Variants in SPTSSA observed in about 807,000 individuals in gnomAD.
The protein encoded by SPTSSA is serine palmitoyltransferase small subunit A.
A neutral mutation model predicts 9.1 loss-of-function variants in SPTSSA; 8 were observed. That is an observed-to-expected ratio of 0.88 (90% CI 0.51 to 1.58). The LOEUF (loss-of-function observed/expected upper bound fraction) is 1.58. Ranked by LOEUF, SPTSSA falls within the 40% of genes most tolerant of loss-of-function variation. The pLI is 0.00. For missense variants in SPTSSA, 100 were observed against 93.8 expected, an observed-to-expected ratio of 1.07 and a Z score of -0.27; for synonymous variants, 42 against 37.7, an observed-to-expected ratio of 1.11 and a Z score of -0.41.
At chr14:34,451,529 C>T (rs553789901) in intron 1 of SPTSSA, among the ~76,000 whole-genome samples, 4 of 152,000 alleles carry the variant, frequency 2.6e-5, no homozygotes, top group Non-Finnish European at 4.4e-5. Flanking sequence ...CGAGACCGTC[C>T]TGGCTAACAC....
At chr14:34,440,948 A>C (rs147081222) in intron 1 of SPTSSA, among the ~76,000 whole-genome samples, 302 of 152,310 alleles carry the variant, frequency 2.0e-3, no homozygotes, top group Middle Eastern at 0.01. Flanking sequence ...TAAATTGTTA[A>C]GCTTTTAAAT....
chr14:34,460,370 A>G (rs1206960713), intron 1 of SPTSSA, among the ~76,000 whole-genome samples: 2 of 152,180 alleles, frequency 1.3e-5, no homozygotes, highest in African/African-American at 4.8e-5. Context: ...AATTGAAACT[A>G]CTTGTCGCTA....
At chr14:34,444,502 C>A (rs564510024) in intron 1 of SPTSSA, among the ~76,000 whole-genome samples, 2 of 152,094 alleles carry the variant, frequency 1.3e-5, no homozygotes, top group Admixed American at 1.3e-4. Flanking sequence ...ACCTGTAATC[C>A]CAGCACTTTG....
At chr14:34,435,449 A>C in intron 1 of SPTSSA, 145 bp from the exon 2 acceptor site, 1 of 544,946 alleles carries the variant, frequency 1.8e-6, no homozygotes, top group Non-Finnish European at 3.2e-6. Flanking sequence ...AAACAACAAG[A>C]ATGATAATAC....
chr14:34,443,361 T>TGTGTGTGTGA (rs1410519273), intron 1 of SPTSSA, among the ~76,000 whole-genome samples: 1 of 15,600 alleles, frequency 6.4e-5, no homozygotes, highest in African/African-American at 3.4e-4. Flanking sequence ...TGTGAGTGTG[T>TGTGTGTGTGA]GTGTGTGTGT....
At chr14:34,445,379 T>C (rs907421208) in intron 1 of SPTSSA, among the ~76,000 whole-genome samples, 1 of 152,076 alleles carries the variant, frequency 6.6e-6, no homozygotes, top group Non-Finnish European at 1.5e-5. Context: ...CATGCACCTG[T>C]AATCCCAGCT....
At chr14:34,461,050 T>C (rs550882065) in intron 1 of SPTSSA, among the ~76,000 whole-genome samples, 1 of 152,312 alleles carries the variant, frequency 6.6e-6, no homozygotes, top group South Asian at 2.1e-4. Context: ...CCTCAGTCAC[T>C]CACTGGAATG....
intron 1 of SPTSSA, among the ~76,000 whole-genome samples, chr14:34,443,564 T>C (rs1358367322): frequency 1.1e-5 from 1 of 91,096 alleles, no homozygotes; most frequent in Non-Finnish European, 2.0e-5. Flanking sequence ...GAGATGGAGT[T>C]TTCCTCTCAT....
Position 34,439,631 on chromosome 14 carries a change from T to G in SPTSSA, c.113-4327A>C, listed in dbSNP as rs530354592. On this transcript the variant is annotated intron_variant, in intron 1 of 1. Transcript: ENST00000298130. ...CCTACTTGCAGTCATATTACAAGAG[T>G]CTCAGAAAACAACATTATATATTTC... Among the ~76,000 whole-genome samples the G allele has an allele frequency of 5.9e-5, 9 of 151,990 alleles. No individual in the cohort carries two copies. The East Asian group carries it at 1.7e-3, about 29-fold the overall frequency.
chr14:34,442,645 T>G (rs146280526), intron 1 of SPTSSA, among the ~76,000 whole-genome samples: 9 of 152,200 alleles, frequency 5.9e-5, no homozygotes, highest in South Asian at 2.1e-4. Context: ...GAGTTTACTG[T>G]TGAATGGGAA....
chr14:34,435,987 C>T (rs1441523402), intron 1 of SPTSSA, among the ~76,000 whole-genome samples: 2 of 152,088 alleles, frequency 1.3e-5, no homozygotes, highest in African/African-American at 4.8e-5. Context: ...AATAAATATA[C>T]AGGAATAAAA....
rs538770196 is a variant in SPTSSA, at chr14:34,460,766, C to T, written c.112+1330G>A. On this transcript the variant is annotated intron_variant, in intron 1 of 1. Transcript: ENST00000298130. ...AAGTATATATTTTACAAGGCATGAC[C>T]TTGCGAGCCCTAAAGAGTGAGACTA... Among the ~76,000 whole-genome samples the T allele has an allele frequency of 1.0e-3, 154 of 152,170 alleles. 1 individual carries two copies. Among genetic ancestry groups the T allele is most frequent in the Non-Finnish European group, 1.4e-3 (92 of 68,024 alleles).
chr14:34,444,869 C>T (rs1179459704), intron 1 of SPTSSA, among the ~76,000 whole-genome samples: 3 of 151,212 alleles, frequency 2.0e-5, no homozygotes, highest in Non-Finnish European at 2.9e-5. Flanking sequence ...ACAAGGAGGG[C>T]GAATCTGAGG....
chr14:34,447,844 A>G (rs1170769471), intron 1 of SPTSSA, among the ~76,000 whole-genome samples: 1 of 152,222 alleles, frequency 6.6e-6, no homozygotes, highest in African/African-American at 2.4e-5. Context: ...TGAAGTTCCC[A>G]TTAAATCTTT....
intron 1 of SPTSSA, among the ~76,000 whole-genome samples, chr14:34,435,623 C>CTTTTTTTTTTTTTTTTTT (rs769896697): frequency 1.1e-5 from 1 of 92,470 alleles, no homozygotes; most frequent in African/African-American, 4.6e-5. Flanking sequence ...GTTTGTTTCT[C>CTTTTTTTTTTTTTTTTTT]TTTTTTTTTT....
intron 1 of SPTSSA, among the ~76,000 whole-genome samples, chr14:34,459,060 C>T (rs75420365): frequency 0.17 from 26,183 of 151,796 alleles, 2,363 homozygotes; most frequent in East Asian, 0.28. Flanking sequence ...TCCACCACCA[C>T]ACTCGGCCCA....
intron 1 of SPTSSA, among the ~76,000 whole-genome samples, chr14:34,438,335 G>A (rs1054436799): frequency 6.6e-6 from 1 of 151,930 alleles, no homozygotes; most frequent in Non-Finnish European, 1.5e-5. Context: ...TTAACCCGGT[G>A]AGCACACCTA....
chr14:34,436,393 A>T (rs926190731), intron 1 of SPTSSA, among the ~76,000 whole-genome samples: 22 of 152,226 alleles, frequency 1.4e-4, no homozygotes, highest in Admixed American at 1.4e-3. Context: ...TTGCACAGTT[A>T]CATAGGATGC....
At chr14:34,440,565 G>A (rs77476968) in intron 1 of SPTSSA, among the ~76,000 whole-genome samples, 3,316 of 152,212 alleles carry the variant, frequency 0.022, 52 homozygotes, top group Middle Eastern at 0.034. Context: ...TTAGCCTAAC[G>A]GGTTATTCCA....
Sources: allele counts gnomAD v4.1 joint callset (sites outside exome capture counted in the v4.1 genomes callset), GRCh38; gene constraint gnomAD v4.1.1; transcripts MANE v1.5; gene names NCBI Gene and HGNC (gene_info 2026-07-23, HGNC 2026-07-21).